The following PRPF8 variants were observed in gnomAD, a reference collection of about 807,000 sequenced individuals.
PRPF8 encodes the protein pre-mRNA processing factor 8.
A neutral mutation model predicts 285.9 loss-of-function variants in PRPF8; 64 were observed. That is an observed-to-expected ratio of 0.22 (90% CI 0.18 to 0.28). The LOEUF is 0.28. PRPF8 is among the 10% of genes least tolerant of loss of function. The pLI is 1.00. For missense variants in PRPF8, 1,426 were observed against 3,026.7 expected, an observed-to-expected ratio of 0.47 and a Z score of 12.41; for synonymous variants, 1,325 against 1,118.2, an observed-to-expected ratio of 1.18 and a Z score of -3.69.
chr17:1,660,884 A>G (rs1911647937), intron 28 of PRPF8, 57 bp from the exon 29 acceptor site: 1 of 1,612,858 alleles, frequency 6.2e-7, no homozygotes, highest in South Asian at 1.1e-5. Flanking sequence ...GCACACTGCT[A>G]ACCTCCTGGA....
At position 1,659,939 on chromosome 17, in the gene PRPF8, G is replaced by A; in HGVS notation, c.4848C>T (p.Pro1616=). ...IETVQKETIH[P]RKSYKMNSSC... ...AAGAGTTCATCTTATATGACTTTCG[G>A]GGATGGATTGTCTCCTTTTGTACTG... The change falls in exon 31 of 43, where the codon CCC becomes CCT. Residue 1616 remains proline (P), a synonymous_variant. Coordinates refer to ENST00000304992, the MANE Select transcript of PRPF8 (RefSeq NM_006445.4). This position sits in a 1 kb window ranked among gnomAD's most constrained non-coding sequence, Gnocchi z 5.1. 3 of 1,614,072 alleles carry A rather than the reference G, an allele frequency of 1.9e-6. No individual in the cohort carries two copies. Among genetic ancestry groups the A allele is most frequent in the Non-Finnish European group, 2.5e-6 (3 of 1,179,938 alleles).
chr17:1,661,063 C>T lies in PRPF8; in HGVS notation c.4438G>A (p.Gly1480Ser), dbSNP rs1911657972. 8 of 1,614,008 alleles carry T rather than the reference C, an allele frequency of 5.0e-6. No individual in the cohort carries two copies. The highest frequency in any genetic ancestry group is 6.8e-6 in the Non-Finnish European group (8 of 1,180,028). ...GTGTGTTCCAGAATGCCTTCCACAC[C>T]GCCCAGGGCCTGGATCATGTCTGTA... Reference protein sequence around the residue: ...YRTDMIQALGGVEGILEHTLF... With the variant: ...YRTDMIQALGSVEGILEHTLF... The change falls in exon 28 of 43, where the codon GGT (glycine) becomes AGT (serine). Residue 1480 changes from glycine (G) to serine (S), a missense_variant. Physicochemically the swap from Gly to Ser is moderately conservative, Grantham distance 56 (BLOSUM62 0). Around this residue, in one of 34 missense-constraint regions of PRPF8, gnomAD observed 23 missense variants for 43.6 expected, o/e 0.53. Transcript: ENST00000304992. The surrounding 1 kb of genome is among the most constrained non-coding windows in gnomAD (Gnocchi z 7.3).
rs761510853 is a variant in PRPF8, at chr17:1,682,303, T to C, written c.270-10A>G. On this transcript the variant is annotated splice_polypyrimidine_tract_variant and intron_variant, in intron 3 of 42. Coordinates refer to ENST00000304992, the MANE Select transcript of PRPF8 (RefSeq NM_006445.4). ...CATGTACTTTAGGGCACTGGCACAT[T>C]AGAAAAAGAGAAGGCTATCAGAAAT... 8 of 1,613,686 alleles carry C rather than the reference T, an allele frequency of 5.0e-6. No homozygotes were observed. Among genetic ancestry groups the C allele is most frequent in the Middle Eastern group, 1.7e-4 (1 of 6,036 alleles).
At position 1,661,350 on chromosome 17, in the gene PRPF8, T is replaced by C; in HGVS notation, c.4259A>G (p.Asn1420Ser). 6.2e-7 allele frequency: 1 copy of C among 1,614,212 alleles called. No individual in the cohort carries two copies. The highest frequency in any genetic ancestry group is 8.5e-7 in the Non-Finnish European group (1 of 1,180,032). Residue 1420 changes from asparagine to serine, a missense_variant, in exon 27 of 43, where the codon AAT becomes AGT. Coordinates refer to ENST00000304992, the MANE Select transcript of PRPF8 (RefSeq NM_006445.4). The surrounding 1 kb of genome is among the most constrained non-coding windows in gnomAD (Gnocchi z 7.3). ...DSWDRGIPRINTLFQKDRHTL... is the reference protein window; with the variant it reads ...DSWDRGIPRISTLFQKDRHTL... ...GTGCCGGTCCTTCTGGAAGAGGGTA[T>C]TGATTCGAGGAATGCCACGATCCCA...
chr17:1,684,050 C>T (rs1319001859), intron 2 of PRPF8, among the ~76,000 whole-genome samples: 1 of 152,020 alleles, frequency 6.6e-6, no homozygotes, highest in East Asian at 1.9e-4. Flanking sequence ...CCACACACGA[C>T]TCATTTTTGT....
intron 21 of PRPF8, 132 bp downstream of exon 21, chr17:1,674,310 C>T (rs1168281274): frequency 4.1e-6 from 4 of 970,840 alleles, no homozygotes; most frequent in Non-Finnish European, 6.6e-6. Flanking sequence ...GCGTGAGCTA[C>T]CGCACCCGGC....
intron 2 of PRPF8, among the ~76,000 whole-genome samples, chr17:1,684,195 T>C (rs1221972350): frequency 6.6e-6 from 1 of 152,102 alleles, no homozygotes; most frequent in African/African-American, 2.4e-5. Context: ...CCTGACATTT[T>C]TATTACAGAG....
At chr17:1,683,124 T>C (rs1197123414) in intron 3 of PRPF8, 3 of 292,100 alleles carry the variant, frequency 1.0e-5, no homozygotes, top group Non-Finnish European at 2.0e-5. Context: ...GCCTCCCAAG[T>C]AGCTGGGACT....
At chr17:1,674,916 C>G (rs1415437481) in intron 20 of PRPF8, among the ~76,000 whole-genome samples, 1 of 152,116 alleles carries the variant, frequency 6.6e-6, no homozygotes, top group Non-Finnish European at 1.5e-5. Flanking sequence ...GGATTACAGG[C>G]GCCCACCACC....
In PRPF8 at chr17:1,658,321, G is replaced by A; in HGVS notation, c.5437C>T (p.Arg1813Cys). 1 of 1,614,196 alleles carries A rather than the reference G, an allele frequency of 6.2e-7. No individual in the cohort carries two copies. The change falls in exon 34 of 43, where the codon CGC (arginine) becomes TGC (cysteine). Residue 1813 changes from arginine (R) to cysteine (C), a missense_variant. By Grantham distance (180) the Arg-to-Cys change is radical. Coordinates refer to ENST00000304992, the MANE Select transcript of PRPF8 (RefSeq NM_006445.4). The surrounding 1 kb of genome is among the most constrained non-coding windows in gnomAD (Gnocchi z 4.1). Reference sequence around the variant, plus strand: ...ATCTTGAGGAACAGCTGCCCTGTGCGTGGGTTGAAGATGAAGATGGCTCCG... The same window carrying A: ...ATCTTGAGGAACAGCTGCCCTGTGCATGGGTTGAAGATGAAGATGGCTCCG... ...INGAIFIFNP[R>C]TGQLFLKIIH... is the part of the protein sequence containing the mutation.
intron 2 of PRPF8, 33 bp downstream of exon 2, chr17:1,684,439 C>A (rs771463649): frequency 4.3e-6 from 7 of 1,610,664 alleles, no homozygotes; most frequent in Non-Finnish European, 5.9e-6. Context: ...GCCCCGCCTC[C>A]GGCCCGCGCG....
chr17:1,678,388 CAGG>C, intron 13 of PRPF8, 127 bp downstream of exon 13: 12 of 1,197,070 alleles, frequency 1.0e-5, no homozygotes, highest in Non-Finnish European at 1.5e-5. Flanking sequence ...GAGGCTGAGG[CAGG>C]AGAATTGCTT....
At chr17:1,660,331 C>T in intron 30 of PRPF8, 101 bp downstream of exon 30, 2 of 1,571,996 alleles carry the variant, frequency 1.3e-6, no homozygotes, top group East Asian at 2.2e-5. Context: ...AGTACCCTCT[C>T]CCCTCGATTC....
rs532581596 is a variant in PRPF8, at chr17:1,658,197, C to G, written c.5505+56G>C. On this transcript the variant is annotated intron_variant, in intron 34 of 42. Transcript: ENST00000304992. The surrounding 1 kb of genome is among the most constrained non-coding windows in gnomAD (Gnocchi z 4.1). ...AACCAGTAAATATTACCAAGTCCACCCCAAGAATAAGAGGCAACATGGTTC... is the reference window on the plus strand; with the variant it reads ...AACCAGTAAATATTACCAAGTCCACGCCAAGAATAAGAGGCAACATGGTTC... 2.5e-6 allele frequency: 4 copies of G among 1,612,628 alleles called. No individual in the cohort carries two copies. In the Admixed American group the frequency reaches 6.7e-5, roughly 27 times the overall value.
chr17:1,672,413 G>C (rs371539481), intron 24 of PRPF8, among the ~76,000 whole-genome samples: 58 of 152,304 alleles, frequency 3.8e-4, no homozygotes, highest in African/African-American at 1.4e-3. Flanking sequence ...CCAAGTAGCT[G>C]CGATTACAGG....
intron 34 of PRPF8, among the ~76,000 whole-genome samples, chr17:1,657,969 TA>T (rs58695090): frequency 0.035 from 3,250 of 93,938 alleles, 52 homozygotes; most frequent in African/African-American, 0.046. Flanking sequence ...AGACTCCGGC[TA>T]AAAAAAAAAA....
Position 1,681,815 on chromosome 17 carries a change from C to T in PRPF8, c.653+5G>A. 6.2e-7 allele frequency: 1 copy of T among 1,614,014 alleles called. No individual in the cohort carries two copies. The highest frequency in any genetic ancestry group is 8.5e-7 in the Non-Finnish European group (1 of 1,179,944). On this transcript the variant is annotated splice_donor_5th_base_variant and intron_variant, in intron 5 of 42. Transcript: ENST00000304992. Reference sequence around the variant, plus strand: ...CCAGGTGTAGTATCTCCATCTATCACTCACTTCCTGCTGTCCCTCAACGGC... The same window carrying T: ...CCAGGTGTAGTATCTCCATCTATCATTCACTTCCTGCTGTCCCTCAACGGC...
chr17:1,651,309 A>G lies in PRPF8; in HGVS notation c.6652T>C (p.Phe2218Leu). 6.2e-7 allele frequency: 1 copy of G among 1,614,122 alleles called. No individual in the cohort carries two copies. The highest frequency in any genetic ancestry group is 8.5e-7 in the Non-Finnish European group (1 of 1,180,014). The change falls in exon 42 of 43, where the codon TTC becomes CTC. Residue 2218 changes from phenylalanine to leucine, a missense_variant and splice_region_variant. Phe to Leu is a conservative substitution (Grantham distance 22, BLOSUM62 0). This residue lies in a region of PRPF8 where 160 missense variants were observed against 373.7 expected (regional missense o/e 0.43). Coordinates refer to ENST00000304992, the MANE Select transcript of PRPF8 (RefSeq NM_006445.4). This position sits in a 1 kb window ranked among gnomAD's most constrained non-coding sequence, Gnocchi z 5.1. The part of the protein sequence containing the change: ...GEKTIIITCS[F>L]TPGSCTLTAY... ...GTCAGTGTACAGGAGCCTGGCGTGA[A>G]GCTGGGGGAGGAACGAGGACAGAGT... is the stretch of plus-strand genomic sequence containing the variant.
chr17:1,660,755 G>A lies in PRPF8; in HGVS notation c.4581C>T (p.Asn1527=), dbSNP rs1911640592. The A allele has an allele frequency of 3.7e-6, 6 of 1,613,870 alleles. No homozygotes were observed. Among genetic ancestry groups the A allele is most frequent in the Non-Finnish European group, 5.1e-6 (6 of 1,180,036 alleles). The change falls in exon 29 of 43, where the codon AAC becomes AAT. Residue 1527 remains asparagine, a synonymous_variant. Transcript: ENST00000304992. The part of the protein sequence containing the change: ...KLTNAQRSGL[N]QIPNRRFTLW... The stretch of plus-strand genomic sequence containing the variant: ...GGGTGAATCTACGATTGGGAATCTG[G>A]TTCAGTCCTGATCGCTGAGCATTAG...
Sources: gnomAD v4.1 joint callset for allele counts (sites outside exome capture counted in the v4.1 genomes callset) on GRCh38, gnomAD v4.1.1 for gene constraint, gnomAD v4.1.1 regional missense constraint, Gnocchi (gnomAD v3.1) non-coding constraint, MANE v1.5 for transcripts, NCBI Gene and HGNC (gene_info 2026-07-23, HGNC 2026-07-21) for gene names.